PDE3A: variants seen among roughly 807,000 people sequenced by gnomAD.
The protein encoded by PDE3A is phosphodiesterase 3A, also known as cGMP-inhibited 3',5'-cyclic phosphodiesterase 3A.
PDE3A carries 43 observed loss-of-function variants against 98.3 expected under a neutral mutation model. That is an observed-to-expected ratio of 0.44 (90% confidence interval 0.34 to 0.56). The LOEUF is 0.56. PDE3A is among the 20% of genes least tolerant of loss of function. The probability of loss-of-function intolerance (pLI) is 0.01; values close to 1 mark genes in which losing one functional copy is unlikely to be tolerated. For synonymous variants in PDE3A, 663 were observed against 567.9 expected, an observed-to-expected ratio of 1.17 and a Z score of -2.38; for missense variants, 1,427 against 1,440.7, an observed-to-expected ratio of 0.99 and a Z score of 0.15.
At chr12:20,462,402 A>G (rs997874513) in intron 1 of PDE3A, among the ~76,000 whole-genome samples, 5 of 152,132 alleles carry the variant, frequency 3.3e-5, no homozygotes, top group Admixed American at 3.3e-4. Context: ...GAGGCAGGAG[A>G]ATCGCTTGAA....
At chr12:20,381,875 C>T (rs115356495) in intron 1 of PDE3A, among the ~76,000 whole-genome samples, 3,332 of 151,740 alleles carry the variant, frequency 0.022, 115 homozygotes, top group African/African-American at 0.077. Flanking sequence ...TTTCTAACTT[C>T]TCCCCTGTTG....
Position 20,634,948 on chromosome 12 carries a change from T to C in PDE3A, c.1893T>C (p.Ser631=). ...CTGATTATGAAACCAATAACAACAG[T>C]GACAGCAGTGACATTGTACAGAATG... ...VTSDYETNNN[S]DSSDIVQNED... The change falls in exon 8 of 16, where the codon AGT becomes AGC. Residue 631 remains serine (S), a synonymous_variant. Coordinates refer to ENST00000359062, the MANE Select transcript of PDE3A (RefSeq NM_000921.5). 6.2e-7 allele frequency: 1 copy of C among 1,610,122 alleles called. No homozygotes were observed. Among genetic ancestry groups the C allele is most frequent in the South Asian group, 1.1e-5 (1 of 91,004 alleles).
At chr12:20,666,643 T>G (rs774196908) in intron 15 of PDE3A, among the ~76,000 whole-genome samples, 3 of 152,256 alleles carry the variant, frequency 2.0e-5, no homozygotes, top group Non-Finnish European at 4.4e-5. Flanking sequence ...TATTCCATTG[T>G]GTATGTATAC....
chr12:20,442,437 G>A (rs1225172548), intron 1 of PDE3A, among the ~76,000 whole-genome samples: 1 of 152,162 alleles, frequency 6.6e-6, no homozygotes, highest in Non-Finnish European at 1.5e-5. Flanking sequence ...CAATCACATA[G>A]GAGAGGGAGA....
chr12:20,604,688 A>T (rs1397394991), intron 2 of PDE3A, among the ~76,000 whole-genome samples: 2 of 152,214 alleles, frequency 1.3e-5, no homozygotes. Context: ...AAAAGTTTTT[A>T]AAGTAGAGAA....
At position 20,613,655 on chromosome 12, in the gene PDE3A, T is replaced by G. The variant is rs1428845064; in HGVS notation, c.1224T>G (p.Ser408=). Residue 408 remains serine (S), a synonymous_variant, in exon 3 of 16, where the codon TCT becomes TCG. Transcript: ENST00000359062. The part of the protein sequence containing the change: ...VTSLSENYTC[S]DSEESSEKDK... The stretch of plus-strand genomic sequence containing the variant: ...CGCTCAGTGAAAACTATACCTGTTC[T>G]GACTCTGAAGAGAGCTCTGAAAAAG... 7 of 1,613,812 alleles carry G rather than the reference T, an allele frequency of 4.3e-6. No homozygotes were observed. The Admixed American group carries it at 1.2e-4, about 27-fold the overall frequency.
At chr12:20,462,817 A>T (rs1945275370) in intron 1 of PDE3A, among the ~76,000 whole-genome samples, 1 of 151,764 alleles carries the variant, frequency 6.6e-6, no homozygotes, top group African/African-American at 2.4e-5. Flanking sequence ...ATGAGTCAGC[A>T]TCTCACTCTG....
chr12:20,479,777 T>C (rs946175872), intron 1 of PDE3A, among the ~76,000 whole-genome samples: 2 of 152,166 alleles, frequency 1.3e-5, no homozygotes, highest in Admixed American at 6.5e-5. Context: ...TCATCACTCA[T>C]TGCTCGAAAT....
rs1943428803 is a variant in PDE3A, at chr12:20,369,798, G to A, written c.514G>A (p.Ala172Thr). ...ALLAACCGGE[A>T]LVQIGLGVGE... ...GCTGGCCGCCTGCTGCGGGGGGGAA[G>A]CGCTCGTCCAGATTGGGCTGGGCGT... Residue 172 changes from alanine to threonine, a missense_variant, in exon 1 of 16, where the codon GCG becomes ACG. Ala to Thr is a moderately conservative substitution (Grantham distance 58, BLOSUM62 0). Around this residue, in one of 3 missense-constraint regions of PDE3A, gnomAD observed 1,012 missense variants for 886.5 expected, o/e 1.14. Coordinates refer to ENST00000359062, the MANE Select transcript of PDE3A (RefSeq NM_000921.5). 4 of 1,612,392 alleles carry A rather than the reference G, an allele frequency of 2.5e-6. No homozygotes were observed. The highest frequency in any genetic ancestry group is 1.1e-5 in the South Asian group (1 of 90,980).
intron 1 of PDE3A, chr12:20,450,197 TATTC>T (rs1591945619): frequency 3.3e-6 from 1 of 299,538 alleles, no homozygotes; most frequent in Admixed American, 4.7e-5. Context: ...TTTGTTTACT[TATTC>T]AATAATTATA....
In PDE3A at chr12:20,557,839, CCCCTT is replaced by C. The variant is rs139178451; in HGVS notation, c.1011+1131_1011+1135del. On this transcript the variant is annotated intron_variant, in intron 2 of 15. Transcript: ENST00000359062. The stretch of plus-strand genomic sequence containing the variant: ...TACTTTATTTCCCTCATTTTTATCT[CCCCTT>C]CATTTTCTCTGAAAACTCTTCCTCT... 5.8e-3 allele frequency among the ~76,000 whole-genome samples: 883 copies of C among 152,168 alleles called. 11 individuals carry two copies. Among genetic ancestry groups the C allele is most frequent in the African/African-American group, 0.02 (850 of 41,544 alleles).
At chr12:20,670,511 G>A (rs1945445050) in intron 15 of PDE3A, among the ~76,000 whole-genome samples, 1 of 152,194 alleles carries the variant, frequency 6.6e-6, no homozygotes, top group African/African-American at 2.4e-5. Context: ...TCAGACCACA[G>A]TGCAATCCAG....
chr12:20,465,209 A>G (rs1464865367), intron 1 of PDE3A, among the ~76,000 whole-genome samples: 1 of 152,064 alleles, frequency 6.6e-6, no homozygotes. Flanking sequence ...CTTTAATAGC[A>G]TGTCATAGTT....
At chr12:20,475,179 G>T (rs922055931) in intron 1 of PDE3A, among the ~76,000 whole-genome samples, 5 of 9,188 alleles carry the variant, frequency 5.4e-4, no homozygotes, top group African/African-American at 1.7e-3. Flanking sequence ...ATGTGTGTGA[G>T]TGTGTGTGTG....
chr12:20,396,024 A>G (rs1444640), intron 1 of PDE3A, among the ~76,000 whole-genome samples: 10,328 of 152,064 alleles, frequency 0.068, 471 homozygotes, highest in Admixed American at 0.097. Flanking sequence ...GCATCCCAAA[A>G]CACTGGGATT....
intron 1 of PDE3A, among the ~76,000 whole-genome samples, chr12:20,482,800 T>A (rs978529622): frequency 1.3e-5 from 2 of 152,228 alleles, no homozygotes; most frequent in Non-Finnish European, 2.9e-5. Context: ...GCAGCTGCTC[T>A]TTTTAAATGG....
intron 15 of PDE3A, among the ~76,000 whole-genome samples, chr12:20,657,884 A>G (rs904855658): frequency 6.6e-6 from 1 of 152,204 alleles, no homozygotes; most frequent in South Asian, 2.1e-4. Flanking sequence ...CTTCCCTATG[A>G]ATGCACTGCC....
chr12:20,470,408 T>C (rs1945416828), intron 1 of PDE3A, among the ~76,000 whole-genome samples: 6 of 152,092 alleles, frequency 3.9e-5, no homozygotes, highest in Admixed American at 3.3e-4. Context: ...GGACATCTAG[T>C]TGTAAAGGGG....
intron 1 of PDE3A, among the ~76,000 whole-genome samples, chr12:20,463,041 G>A (rs1315724940): frequency 6.6e-6 from 1 of 152,048 alleles, no homozygotes; most frequent in African/African-American, 2.4e-5. Flanking sequence ...GCAAAGTGCT[G>A]GGATTACAGG....
Sources: allele counts gnomAD v4.1 joint callset (sites outside exome capture counted in the v4.1 genomes callset), GRCh38; gene constraint gnomAD v4.1.1; regional missense constraint gnomAD v4.1.1; transcripts MANE v1.5; gene names NCBI Gene and HGNC (gene_info 2026-07-23, HGNC 2026-07-21).